GALNT10: variants seen among roughly 807,000 people sequenced by gnomAD.
The protein encoded by GALNT10 is GalNAc transferase 10.
A neutral mutation model predicts 75.0 loss-of-function variants in GALNT10; 41 were observed. The ratio of observed to expected loss-of-function variants is 0.55; its 90% CI spans 0.43 to 0.71. The LOEUF (loss-of-function observed/expected upper bound fraction) is 0.71, where lower values mean the gene tolerates loss of function less well. Ranked by LOEUF, GALNT10 falls within the 30% of genes least tolerant of loss-of-function variation. GALNT10 has a pLI of 0.00. For missense variants in GALNT10, 727 were observed against 818.5 expected (o/e 0.89, Z 1.36); for synonymous variants, 302 against 313.0 (o/e 0.96, Z 0.37).
At chr5:154,211,328 C>A (rs770403279) in intron 1 of GALNT10, among the ~76,000 whole-genome samples, 3 of 152,168 alleles carry the variant, frequency 2.0e-5, no homozygotes, top group Non-Finnish European at 4.4e-5. Flanking sequence ...GTTCAGTCAA[C>A]GTTCATCTAC....
intron 1 of GALNT10, among the ~76,000 whole-genome samples, chr5:154,281,199 A>T (rs1754034002): frequency 6.6e-6 from 1 of 152,196 alleles, no homozygotes; most frequent in African/African-American, 2.4e-5. Context: ...AATAAACATG[A>T]CATATCTCTC....
At chr5:154,241,228 GT>G (rs1182512810) in intron 1 of GALNT10, among the ~76,000 whole-genome samples, 25 of 152,190 alleles carry the variant, frequency 1.6e-4, no homozygotes, top group Admixed American at 1.6e-3. Flanking sequence ...AGGAGTATGG[GT>G]TTGGTGTTTG....
In GALNT10 at chr5:154,409,586, T is replaced by C. The variant is rs753401443; in HGVS notation, c.1210T>C (p.Tyr404His). 1.2e-6 allele frequency: 2 copies of C among 1,613,908 alleles called. No individual in the cohort carries two copies. Among genetic ancestry groups the C allele is most frequent in the South Asian group, 1.1e-5 (1 of 91,068 alleles). The change falls in exon 9 of 12, where the codon TAC (tyrosine) becomes CAC (histidine). Residue 404 changes from tyrosine (Y) to histidine (H), a missense_variant. By Grantham distance (83) the Tyr-to-His change is moderately conservative. Coordinates refer to ENST00000297107, the MANE Select transcript of GALNT10 (RefSeq NM_198321.4). This position sits in a 1 kb window ranked among gnomAD's most constrained non-coding sequence, Gnocchi z 4.5. ...AEVWMDEYAE[Y>H]IYQRRPEYRH... Reference sequence around the variant, plus strand: ...AGTGTGGATGGATGAGTACGCAGAGTACATTTACCAGCGCCGGCCTGAATA... The same window carrying C: ...AGTGTGGATGGATGAGTACGCAGAGCACATTTACCAGCGCCGGCCTGAATA...
rs1283710294 is a variant in GALNT10 at position 154,420,600 on chromosome 5, A to T, written c.*3628A>T. Reference sequence around the variant, plus strand: ...TGGAATTCCTTATTGCTTTCAACGGACACTCTTTGTGAAAAATCCAAGTAA... The same window carrying T: ...TGGAATTCCTTATTGCTTTCAACGGTCACTCTTTGTGAAAAATCCAAGTAA... On this transcript the variant is annotated 3_prime_UTR_variant, in exon 12 of 12. Coordinates refer to ENST00000297107, the MANE Select transcript of GALNT10 (RefSeq NM_198321.4). 1.3e-5 allele frequency: 2 copies of T among 152,206 alleles called. No individual in the cohort carries two copies. The highest frequency in any genetic ancestry group is 3.8e-4 in the East Asian group (2 of 5,196). 9.4% of individuals were successfully genotyped at this position (152,206 alleles called of 1,614,324 possible).
At chr5:154,383,913 G>T (rs1360380444) in intron 6 of GALNT10, among the ~76,000 whole-genome samples, 1 of 152,168 alleles carries the variant, frequency 6.6e-6, no homozygotes, top group Non-Finnish European at 1.5e-5. Context: ...AATTTATAAA[G>T]AAAAGAAGTT....
chr5:154,375,114 C>G lies in GALNT10; in HGVS notation c.569-1163C>G, dbSNP rs138647739. ...ATTGTCAGAAACTGGGGAAACACAGCTAGAAGAAGGAAACCATCATGTTTC... is the reference window on the plus strand; with the variant it reads ...ATTGTCAGAAACTGGGGAAACACAGGTAGAAGAAGGAAACCATCATGTTTC... On this transcript the variant is annotated intron_variant, in intron 4 of 11. Transcript: ENST00000297107. 1.1e-4 allele frequency among the ~76,000 whole-genome samples: 16 copies of G among 152,284 alleles called. No homozygotes were observed. The East Asian group carries it at 2.7e-3, about 26-fold the overall frequency.
intron 1 of GALNT10, among the ~76,000 whole-genome samples, chr5:154,258,185 C>G (rs942560709): frequency 5.9e-5 from 9 of 152,120 alleles, no homozygotes; most frequent in African/African-American, 1.9e-4. Flanking sequence ...CCACCTTTCC[C>G]TCCTCTCCCA....
At chr5:154,300,176 T>C (rs1293349752) in intron 3 of GALNT10, among the ~76,000 whole-genome samples, 1 of 152,174 alleles carries the variant, frequency 6.6e-6, no homozygotes, top group African/African-American at 2.4e-5. Flanking sequence ...CTGTTTGTAG[T>C]TCAGCTATGA....
At chr5:154,271,527 G>A (rs1753865868) in intron 1 of GALNT10, among the ~76,000 whole-genome samples, 1 of 152,200 alleles carries the variant, frequency 6.6e-6, no homozygotes, top group African/African-American at 2.4e-5. Context: ...TGATTTTGCT[G>A]CATTCAAGCT....
intron 3 of GALNT10, among the ~76,000 whole-genome samples, chr5:154,328,573 T>C (rs1448940624): frequency 3.3e-5 from 5 of 152,238 alleles, no homozygotes; most frequent in Admixed American, 3.3e-4. Flanking sequence ...AGCACCAGCC[T>C]GGTGTCCTGT....
Position 154,329,394 on chromosome 5 carries a change from T to A in GALNT10, c.402-178T>A, listed in dbSNP as rs1025593532. On this transcript the variant is annotated intron_variant, in intron 3 of 11. Transcript: ENST00000297107. ...GTGCTGTATATGCAGAGATTGGAGGTAGGACTTTGGGATGTCATGTAGAAG... is the reference window on the plus strand; with the variant it reads ...GTGCTGTATATGCAGAGATTGGAGGAAGGACTTTGGGATGTCATGTAGAAG... 5 of 603,068 alleles carry A rather than the reference T, an allele frequency of 8.3e-6. No homozygotes were observed. The Admixed American group carries it at 1.4e-4, about 17-fold the overall frequency. The allele number at this position is 603,068 out of a possible 1,614,324, so 37.4% of individuals were successfully genotyped here. A position where few individuals can be genotyped will look rare whatever the true frequency, so the allele number is the denominator to read the frequency against.
chr5:154,373,330 T>G (rs1382740587), intron 4 of GALNT10, among the ~76,000 whole-genome samples: 3 of 152,184 alleles, frequency 2.0e-5, no homozygotes, highest in Non-Finnish European at 4.4e-5. Flanking sequence ...CTTCTCTGGC[T>G]CTCCCTGCTC....
intron 4 of GALNT10, among the ~76,000 whole-genome samples, chr5:154,346,725 T>A (rs1041260616): frequency 6.6e-6 from 1 of 152,210 alleles, no homozygotes; most frequent in African/African-American, 2.4e-5. Flanking sequence ...GCCAATTTTT[T>A]TTTTAAAGAA....
At chr5:154,386,613 G>T (rs1755811123) in intron 7 of GALNT10, 183 bp downstream of exon 7, 2 of 560,014 alleles carry the variant, frequency 3.6e-6, no homozygotes, top group Non-Finnish European at 3.2e-6. Context: ...GTGGGGGGGT[G>T]TGGGAGGGAA....
intron 7 of GALNT10, among the ~76,000 whole-genome samples, chr5:154,403,091 T>C (rs1165364624): frequency 6.6e-6 from 1 of 152,244 alleles, no homozygotes; most frequent in South Asian, 2.1e-4. Flanking sequence ...CTTCCAGTCC[T>C]GCCTCCTCTA....
chr5:154,256,963 T>C (rs948200209), intron 1 of GALNT10, among the ~76,000 whole-genome samples: 6 of 152,076 alleles, frequency 3.9e-5, no homozygotes, highest in Non-Finnish European at 8.8e-5. Flanking sequence ...TTGTCACCTT[T>C]ATTTTCAAGG....
intron 1 of GALNT10, among the ~76,000 whole-genome samples, chr5:154,271,677 A>G (rs153434): frequency 0.064 from 9,766 of 152,228 alleles, 856 homozygotes; most frequent in African/African-American, 0.2. Context: ...ATTTTAGACA[A>G]TGTCCCAGTG....
chr5:154,208,620 C>T (rs1775146022), intron 1 of GALNT10, among the ~76,000 whole-genome samples: 1 of 152,034 alleles, frequency 6.6e-6, no homozygotes, highest in Admixed American at 6.6e-5. Flanking sequence ...ACATAGATAC[C>T]CTTAGGATTA....
Position 154,246,732 on chromosome 5 carries a change from G to A in GALNT10, c.160-48084G>A, listed in dbSNP as rs535327781. 1.6e-4 allele frequency among the ~76,000 whole-genome samples: 25 copies of A among 152,042 alleles called. No individual in the cohort carries two copies. In the South Asian group the frequency reaches 5.2e-3, roughly 32 times the overall value. On this transcript the variant is annotated intron_variant, in intron 1 of 11. Coordinates refer to ENST00000297107, the MANE Select transcript of GALNT10 (RefSeq NM_198321.4). ...TAGCCCTTTGTCAGATGAGTAGATT[G>A]CAAACATTTTCTCCCATTCTGTAGG...
Sources: gnomAD v4.1 joint callset for allele counts (sites outside exome capture counted in the v4.1 genomes callset) on GRCh38, gnomAD v4.1.1 for gene constraint, Gnocchi (gnomAD v3.1) non-coding constraint, MANE v1.5 for transcripts, NCBI Gene and HGNC (gene_info 2026-07-23, HGNC 2026-07-21) for gene names.